CNTN1: variants seen among roughly 807,000 people sequenced by gnomAD.
The protein encoded by CNTN1 is contactin-1.
CNTN1 carries 38 observed loss-of-function variants against 126.4 expected under a neutral mutation model. That is an observed-to-expected ratio of 0.30 (90% CI 0.23 to 0.39). The LOEUF (loss-of-function observed/expected upper bound fraction) is 0.39, where lower values mean the gene tolerates loss of function less well. Among genes scored for constraint, CNTN1 ranks in the 10% least tolerant of loss-of-function variants. The probability of loss-of-function intolerance (pLI) is 1.00; values close to 1 mark genes in which losing one functional copy is unlikely to be tolerated. For synonymous variants in CNTN1, 413 were observed against 422.6 expected (o/e 0.98, Z 0.28); for missense variants, 1,009 against 1,248.4 (o/e 0.81, Z 2.89).
intron 1 of CNTN1, among the ~76,000 whole-genome samples, chr12:40,894,341 C>T (rs889431889): frequency 1.3e-5 from 2 of 152,058 alleles, no homozygotes; most frequent in African/African-American, 2.4e-5. Flanking sequence ...ATTGTTAAAA[C>T]CCACAGCAGA....
intron 17 of CNTN1, among the ~76,000 whole-genome samples, chr12:40,999,968 A>C (rs1028872978): frequency 6.6e-6 from 1 of 151,854 alleles, no homozygotes; most frequent in South Asian, 2.1e-4. Flanking sequence ...AGCCTCCCAA[A>C]GTGCTAGATT....
Position 40,822,148 on chromosome 12 carries a change from C to CTTTTTTTTTTTTTTTT in CNTN1, c.-76-86200_-76-86185dup, listed in dbSNP as rs777953120. On this transcript the variant is annotated intron_variant, in intron 1 of 23. Transcript: ENST00000551295. ...TTTCCAGTCTAGACAAAATATAAAT[C>CTTTTTTTTTTTTTTTT]TTTTTTTTTTTTTTTTTTTTTTTTG... 1.7e-4 allele frequency among the ~76,000 whole-genome samples: 8 copies of CTTTTTTTTTTTTTTTT among 47,262 alleles called. 1 individual carries two copies. Among genetic ancestry groups the CTTTTTTTTTTTTTTTT allele is most frequent in the Admixed American group, 3.0e-4 (1 of 3,372 alleles). 31.0% of individuals were successfully genotyped at this position (47,262 alleles called of 152,430 possible).
chr12:40,754,300 C>A (rs1165425649), intron 1 of CNTN1, among the ~76,000 whole-genome samples: 2 of 152,042 alleles, frequency 1.3e-5, no homozygotes, highest in Non-Finnish European at 2.9e-5. Context: ...GATTTCAGCA[C>A]CGTTACAGGT....
intron 1 of CNTN1, among the ~76,000 whole-genome samples, chr12:40,860,294 GTCT>G (rs1943071351): frequency 6.6e-6 from 1 of 152,096 alleles, no homozygotes; most frequent in South Asian, 2.1e-4. Context: ...TTGTCTGGAT[GTCT>G]TCTAAGGTCT....
chr12:40,862,755 A>G (rs746479332), intron 1 of CNTN1, among the ~76,000 whole-genome samples: 1 of 152,162 alleles, frequency 6.6e-6, no homozygotes. Flanking sequence ...CTCTTTTCTG[A>G]ACTGGGTAAA....
chr12:40,809,181 T>C (rs1242759715), intron 1 of CNTN1, among the ~76,000 whole-genome samples: 1 of 152,208 alleles, frequency 6.6e-6, no homozygotes, highest in Non-Finnish European at 1.5e-5. Context: ...AAATATTAGT[T>C]GTATTTTCAA....
intron 15 of CNTN1, 80 bp downstream of exon 15, chr12:40,959,314 G>A (rs961063635): frequency 2.0e-5 from 30 of 1,479,386 alleles, no homozygotes; most frequent in Non-Finnish European, 2.7e-5. Flanking sequence ...TGGTAACTCT[G>A]GTGCAAATTC....
chr12:40,694,294 A>T lies in CNTN1; in HGVS notation c.-77+1702A>T, dbSNP rs114706887. On this transcript the variant is annotated intron_variant, in intron 1 of 23. Transcript: ENST00000551295. ...ATATTTAAATTTGTACTGCTTTTTC[A>T]TATCACATCTATTTGTACTATGTGA... Among the ~76,000 whole-genome samples, 899 of 152,256 alleles carry T rather than the reference A, an allele frequency of 5.9e-3. 7 individuals carry two copies. The highest frequency in any genetic ancestry group is 0.021 in the African/African-American group (871 of 41,564).
chr12:40,808,601 G>A (rs1009942599), intron 1 of CNTN1, among the ~76,000 whole-genome samples: 3 of 152,070 alleles, frequency 2.0e-5, no homozygotes, highest in African/African-American at 7.2e-5. Context: ...TATTAATGAT[G>A]ACTGTGATTT....
chr12:40,946,563 G>A (rs1438581216), intron 14 of CNTN1, among the ~76,000 whole-genome samples: 1 of 152,018 alleles, frequency 6.6e-6, no homozygotes, highest in African/African-American at 2.4e-5. Flanking sequence ...TTAAGATTCA[G>A]ATGTAAATGT....
chr12:40,979,922 A>G (rs1947775183), intron 15 of CNTN1, among the ~76,000 whole-genome samples: 1 of 152,160 alleles, frequency 6.6e-6, no homozygotes, highest in South Asian at 2.1e-4. Context: ...AATTCTTCTA[A>G]GACTCTTCAA....
At chr12:40,882,918 T>G (rs1388880072) in intron 1 of CNTN1, among the ~76,000 whole-genome samples, 1 of 151,630 alleles carries the variant, frequency 6.6e-6, no homozygotes, top group Non-Finnish European at 1.5e-5. Flanking sequence ...TTTTATTATC[T>G]GAACTGTACA....
intron 1 of CNTN1, among the ~76,000 whole-genome samples, chr12:40,841,658 T>C (rs1942286638): frequency 6.8e-6 from 1 of 147,384 alleles, no homozygotes; most frequent in Non-Finnish European, 1.5e-5. Flanking sequence ...ATTACATTAA[T>C]GGAATTGGGG....
chr12:40,814,963 A>G (rs753594708), intron 1 of CNTN1, among the ~76,000 whole-genome samples: 27 of 151,970 alleles, frequency 1.8e-4, no homozygotes, highest in Non-Finnish European at 3.5e-4. Flanking sequence ...GCAATTGTGA[A>G]TGGGAGTTCA....
intron 1 of CNTN1, among the ~76,000 whole-genome samples, chr12:40,844,509 A>T (rs1942428029): frequency 6.6e-6 from 1 of 152,236 alleles, no homozygotes; most frequent in Non-Finnish European, 1.5e-5. Context: ...ATTTAAATTG[A>T]ACCTAAAAAA....
intron 15 of CNTN1, among the ~76,000 whole-genome samples, chr12:40,968,706 C>A (rs1947391047): frequency 6.6e-6 from 1 of 151,986 alleles, no homozygotes. Flanking sequence ...ACTGTTATTC[C>A]CATTTCATAG....
chr12:40,852,783 A>T (rs1942767437), intron 1 of CNTN1, among the ~76,000 whole-genome samples: 1 of 151,984 alleles, frequency 6.6e-6, no homozygotes, highest in Admixed American at 6.6e-5. Context: ...TATGTATCTC[A>T]GTTACTATTA....
chr12:40,905,555 A>G (rs11178979), intron 1 of CNTN1, among the ~76,000 whole-genome samples: 63,226 of 151,958 alleles, frequency 0.42, 13,481 homozygotes, highest in African/African-American at 0.51. Flanking sequence ...ACACAAATTA[A>G]GATTTCACTC....
chr12:41,006,584 A>G (rs1447128890), intron 17 of CNTN1, among the ~76,000 whole-genome samples: 1 of 152,252 alleles, frequency 6.6e-6, no homozygotes, highest in Non-Finnish European at 1.5e-5. Context: ...ACTTCACCAA[A>G]GAATTTACAT....
Sources: gnomAD v4.1 joint callset for allele counts (sites outside exome capture counted in the v4.1 genomes callset) on GRCh38, gnomAD v4.1.1 for gene constraint, MANE v1.5 for transcripts, NCBI Gene and HGNC (gene_info 2026-07-23, HGNC 2026-07-21) for gene names.